SERINC5: variants seen among roughly 807,000 people sequenced by gnomAD.
The protein encoded by SERINC5 is chromosome 5 open reading frame 12.
In SERINC5, 41 loss-of-function variants were observed where a neutral mutation model predicts 63.1. The ratio of observed to expected loss-of-function variants is 0.65; its 90% CI spans 0.51 to 0.84. The LOEUF is 0.84. Among genes scored for constraint, SERINC5 ranks in the 40% least tolerant of loss-of-function variants. SERINC5 has a pLI of 0.00. For missense variants in SERINC5, 523 were observed against 573.0 expected (o/e 0.91, Z 0.89); for synonymous variants, 222 against 215.2 (o/e 1.03, Z -0.28).
chr5:80,229,956 GT>G (rs1344389177), intron 1 of SERINC5, among the ~76,000 whole-genome samples: 1 of 152,194 alleles, frequency 6.6e-6, no homozygotes, highest in African/African-American at 2.4e-5. Context: ...AAGGCCAGAG[GT>G]TTACAGGGCT....
At position 80,154,907 on chromosome 5, in the gene SERINC5, C is replaced by CA. The variant is rs1193991496; in HGVS notation, c.986+3928dup. ...TAATAATATAATTACGCAAGTCATCCAGTTTATCTTTCTCCCTCAGGGGAC... is the reference window on the plus strand; with the variant it reads ...TAATAATATAATTACGCAAGTCATCCAAGTTTATCTTTCTCCCTCAGGGGAC... On this transcript the variant is annotated intron_variant, in intron 8 of 11. Transcript: ENST00000507668. 2.0e-5 allele frequency among the ~76,000 whole-genome samples: 3 copies of CA among 152,220 alleles called. No individual in the cohort carries two copies. In the East Asian group the frequency reaches 5.8e-4, roughly 29 times the overall value.
chr5:80,176,544 G>A (rs976930862), intron 4 of SERINC5, among the ~76,000 whole-genome samples: 7 of 152,158 alleles, frequency 4.6e-5, no homozygotes, highest in African/African-American at 1.7e-4. Flanking sequence ...CAATTCTCAT[G>A]TCTCAGCCTC....
chr5:80,167,523 G>A (rs928513584), intron 6 of SERINC5, among the ~76,000 whole-genome samples: 1 of 152,010 alleles, frequency 6.6e-6, no homozygotes, highest in African/African-American at 2.4e-5. Context: ...CCATATCTTT[G>A]CTATTGTGAA....
At chr5:80,160,697 C>A (rs1402215454) in intron 7 of SERINC5, among the ~76,000 whole-genome samples, 2 of 151,954 alleles carry the variant, frequency 1.3e-5, no homozygotes, top group African/African-American at 2.4e-5. Context: ...TCCATCCCCT[C>A]CCTCCTTCCT....
chr5:80,232,901 T>C (rs1407940294), intron 1 of SERINC5, among the ~76,000 whole-genome samples: 5 of 152,274 alleles, frequency 3.3e-5, no homozygotes, highest in South Asian at 2.1e-4. Flanking sequence ...GTTTCATTAA[T>C]AGGAAACGTC....
At chr5:80,233,456 A>C (rs1463745587) in intron 1 of SERINC5, among the ~76,000 whole-genome samples, 1 of 151,994 alleles carries the variant, frequency 6.6e-6, no homozygotes, top group Non-Finnish European at 1.5e-5. Flanking sequence ...TCTTTAGTTA[A>C]AAATAACCTA....
At chr5:80,171,947 T>C (rs927307976) in intron 5 of SERINC5, among the ~76,000 whole-genome samples, 1 of 151,946 alleles carries the variant, frequency 6.6e-6, no homozygotes, top group Non-Finnish European at 1.5e-5. Flanking sequence ...AGGTAATGAA[T>C]AGCCAACTAC....
At chr5:80,193,878 G>A (rs553130428) in intron 2 of SERINC5, among the ~76,000 whole-genome samples, 55 of 152,264 alleles carry the variant, frequency 3.6e-4, no homozygotes, top group African/African-American at 1.1e-3. Context: ...AGATAAAACC[G>A]TTTGGAAACA....
chr5:80,251,697 T>C (rs1353895314), intron 1 of SERINC5, among the ~76,000 whole-genome samples: 1 of 146,360 alleles, frequency 6.8e-6, no homozygotes, highest in Non-Finnish European at 1.5e-5. Flanking sequence ...GCCACTGCAC[T>C]CCAGCCTGGG....
intron 8 of SERINC5, among the ~76,000 whole-genome samples, chr5:80,156,841 G>A (rs576276298): frequency 6.6e-6 from 1 of 152,254 alleles, no homozygotes; most frequent in South Asian, 2.1e-4. Flanking sequence ...TAGAAATAGT[G>A]AGAAAATATG....
chr5:80,122,937 C>T (rs1021763499), intron 11 of SERINC5, among the ~76,000 whole-genome samples: 1 of 152,232 alleles, frequency 6.6e-6, no homozygotes, highest in Non-Finnish European at 1.5e-5. Flanking sequence ...CAACCAATAC[C>T]TTGATTTCCA....
At chr5:80,244,681 G>T (rs1334465375) in intron 1 of SERINC5, among the ~76,000 whole-genome samples, 1 of 152,034 alleles carries the variant, frequency 6.6e-6, no homozygotes, top group African/African-American at 2.4e-5. Flanking sequence ...AATTAGCCGG[G>T]CCTAGTGGCA....
intron 1 of SERINC5, among the ~76,000 whole-genome samples, chr5:80,218,414 C>G (rs1356106279): frequency 6.6e-6 from 1 of 152,148 alleles, no homozygotes; most frequent in Non-Finnish European, 1.5e-5. Context: ...ATGGCACATG[C>G]CCGTAATCCC....
At chr5:80,172,237 C>G (rs1580107709) in intron 5 of SERINC5, among the ~76,000 whole-genome samples, 1 of 152,184 alleles carries the variant, frequency 6.6e-6, no homozygotes, top group Middle Eastern at 3.4e-3. Context: ...GGCTGAATCG[C>G]TTGGACACCA....
At chr5:80,196,612 A>C (rs1375404251) in intron 2 of SERINC5, among the ~76,000 whole-genome samples, 1 of 152,240 alleles carries the variant, frequency 6.6e-6, no homozygotes, top group Non-Finnish European at 1.5e-5. Flanking sequence ...ATAATAGCCA[A>C]AAGGTACAAA....
chr5:80,184,244 C>T (rs1352380202), intron 2 of SERINC5, among the ~76,000 whole-genome samples: 4 of 152,138 alleles, frequency 2.6e-5, no homozygotes, highest in African/African-American at 7.2e-5. Flanking sequence ...TTCTTCCCCA[C>T]CTTCTCTCTT....
At chr5:80,186,428 G>A (rs184767816) in intron 2 of SERINC5, among the ~76,000 whole-genome samples, 1 of 152,220 alleles carries the variant, frequency 6.6e-6, no homozygotes, top group East Asian at 1.9e-4. Context: ...GTGAGCCACC[G>A]CGCCCGACCT....
chr5:80,212,432 C>T (rs947338001), intron 1 of SERINC5, among the ~76,000 whole-genome samples: 22 of 152,246 alleles, frequency 1.4e-4, no homozygotes, highest in African/African-American at 5.1e-4. Flanking sequence ...CTGCCCATGC[C>T]GTGTGAGGGC....
Position 80,140,434 on chromosome 5 carries a change from T to C in SERINC5, c.*3229A>G, listed in dbSNP as rs2112282236. The C allele has an allele frequency of 2.0e-6, 2 of 984,614 alleles. 1 individual carries two copies. The highest frequency in any genetic ancestry group is 1.0e-3 in the Middle Eastern group (2 of 1,908). 61.0% of individuals were successfully genotyped at this position (984,614 alleles called of 1,614,324 possible). ...GAGGAATCGGAAATAAACAATGTTG[T>C]ATGGAAACAGAACCCCAAAACCCCA... On this transcript the variant is annotated 3_prime_UTR_variant, in exon 12 of 12. Transcript: ENST00000507668.
Sources: allele counts gnomAD v4.1 joint callset (sites outside exome capture counted in the v4.1 genomes callset), GRCh38; gene constraint gnomAD v4.1.1; transcripts MANE v1.5; gene names NCBI Gene and HGNC (gene_info 2026-07-23, HGNC 2026-07-21).